PARS2: variants seen among roughly 807,000 people sequenced by gnomAD.
PARS2 encodes probable proline--tRNA ligase, mitochondrial.
Under a neutral mutation model 27.4 loss-of-function variants are expected in PARS2, and 20 were observed. The observed-to-expected ratio is 0.73, with a 90% CI of 0.51 to 1.06. The LOEUF is 1.06. Ranked by LOEUF, PARS2 falls within the 50% of genes least tolerant of loss-of-function variation. The pLI is 0.00. For synonymous variants in PARS2, 240 were observed against 247.1 expected (o/e 0.97, Z 0.27); for missense variants, 585 against 602.1 (o/e 0.97, Z 0.30).
At chr1:54,762,285 T>C (rs1210984116) in intron 1 of PARS2, among the ~76,000 whole-genome samples, 1 of 152,170 alleles carries the variant, frequency 6.6e-6, no homozygotes, top group Non-Finnish European at 1.5e-5. Context: ...ATTACAGGCA[T>C]GTGCCACCAT....
rs1472379999 is a variant in PARS2 at position 54,759,027 on chromosome 1, C to T, written c.135G>A (p.Val45=). 6.2e-7 allele frequency: 1 copy of T among 1,614,020 alleles called. No individual in the cohort carries two copies. The highest frequency in any genetic ancestry group is 1.7e-5 in the Admixed American group (1 of 59,996). Residue 45 remains valine (V), a synonymous_variant, in exon 2 of 2, where the codon GTG becomes GTA. Transcript: ENST00000371279. The part of the protein sequence containing the change: ...RRGRRLLLSR[V]FQPQNLREDR... ...CTTCCCGAAGGTTCTGTGGCTGGAACACACGAGACAGCAGCAGGCGCCGCC... is the reference window on the plus strand; with the variant it reads ...CTTCCCGAAGGTTCTGTGGCTGGAATACACGAGACAGCAGCAGGCGCCGCC...
rs559553257 is a variant in PARS2 at position 54,758,868 on chromosome 1, C to T, written c.294G>A (p.Met98Ile). 3.8e-5 allele frequency: 62 copies of T among 1,614,216 alleles called. 1 individual carries two copies. In the South Asian group the frequency reaches 6.1e-4, roughly 16 times the overall value. ...GGTCTATCACTCGCACGAGCTTCTC[C>T]ATGGCACGGACGGTATATGGCAGGA... Reference protein sequence around the residue: ...YHLLPYTVRAMEKLVRVIDQE... With the variant: ...YHLLPYTVRAIEKLVRVIDQE... Residue 98 changes from methionine (M) to isoleucine (I), a missense_variant, in exon 2 of 2, where the codon ATG becomes ATA. Met to Ile is a conservative substitution (Grantham distance 10). Transcript: ENST00000371279.
In PARS2 at chr1:54,758,881, G is replaced by C; in HGVS notation, c.281C>G (p.Thr94Ser). The change falls in exon 2 of 2, where the codon ACC becomes AGC. Residue 94 changes from threonine (T) to serine (S), a missense_variant. Thr to Ser is a moderately conservative substitution (Grantham distance 58, BLOSUM62 1). Coordinates refer to ENST00000371279, the MANE Select transcript of PARS2 (RefSeq NM_152268.4). Reference protein sequence around the residue: ...SPGCYHLLPYTVRAMEKLVRV... With the variant: ...SPGCYHLLPYSVRAMEKLVRV... ...CACGAGCTTCTCCATGGCACGGACG[G>C]TATATGGCAGGAGGTGGTAACAGCC... 1 of 1,614,216 alleles carries C rather than the reference G, an allele frequency of 6.2e-7. No homozygotes were observed. Among genetic ancestry groups the C allele is most frequent in the Non-Finnish European group, 8.5e-7 (1 of 1,180,034 alleles).
Position 54,758,170 on chromosome 1 carries a change from T to C in PARS2, c.992A>G (p.Lys331Arg). Residue 331 changes from lysine (K) to arginine (R), a missense_variant, in exon 2 of 2, where the codon AAA (lysine) becomes AGA (arginine). Lys to Arg is a conservative substitution (Grantham distance 26). Coordinates refer to ENST00000371279, the MANE Select transcript of PARS2 (RefSeq NM_152268.4). ...FNAQFTNVCGKPTLAEMGCYG... is the reference protein window; with the variant it reads ...FNAQFTNVCGRPTLAEMGCYG... ...GCACCCCATTTCAGCCAGGGTTGGT[T>C]TGCCACAGACATTGGTAAACTGGGC... The C allele has an allele frequency of 3.7e-6, 6 of 1,614,238 alleles. No individual in the cohort carries two copies. Among genetic ancestry groups the C allele is most frequent in the Non-Finnish European group, 5.1e-6 (6 of 1,180,036 alleles).
rs1307828150 is a variant in PARS2 at position 54,757,989 on chromosome 1, C to T, written c.1173G>A (p.Gly391=). The change falls in exon 2 of 2, where the codon GGG becomes GGA. Residue 391 remains glycine (G), a synonymous_variant. Coordinates refer to ENST00000371279, the MANE Select transcript of PARS2 (RefSeq NM_152268.4). The stretch of plus-strand genomic sequence containing the variant: ...CCTCTGTGATGTGGTCGTACAGCTG[C>T]CCTATGAGCTCGGAGGCCGCCTGCT... The part of the protein sequence containing the change: ...SKEQAASELI[G]QLYDHITEAV... The T allele has an allele frequency of 8.1e-6, 13 of 1,614,060 alleles. No homozygotes were observed. The highest frequency in any genetic ancestry group is 5.3e-5 in the African/African-American group (4 of 74,932).
At chr1:54,761,864 C>T (rs1277399049) in intron 1 of PARS2, among the ~76,000 whole-genome samples, 1 of 152,192 alleles carries the variant, frequency 6.6e-6, no homozygotes, top group Non-Finnish European at 1.5e-5. Flanking sequence ...TAGGAACGTA[C>T]GGGCCATGGA....
Position 54,758,006 on chromosome 1 carries a change from C to T in PARS2, c.1156G>A (p.Ala386Thr). Residue 386 changes from alanine to threonine, a missense_variant, in exon 2 of 2, where the codon GCC becomes ACC. Ala to Thr is a moderately conservative substitution (Grantham distance 58, BLOSUM62 0). Transcript: ENST00000371279. ...PPKKGSKEQA[A>T]SELIGQLYDH... ...TACAGCTGCCCTATGAGCTCGGAGG[C>T]CGCCTGCTCCTTACTGCCCTTCTTA... 1 of 1,614,146 alleles carries T rather than the reference C, an allele frequency of 6.2e-7. No homozygotes were observed. Among genetic ancestry groups the T allele is most frequent in the Non-Finnish European group, 8.5e-7 (1 of 1,180,036 alleles).
chr1:54,757,652 G>T lies in PARS2; in HGVS notation c.*82C>A. Reference sequence around the variant, plus strand: ...AGCTGTGCTGTTTCTGGAGAGAGCAGTCCAGGAAAGGGGTGTAGGAAAATG... The same window carrying T: ...AGCTGTGCTGTTTCTGGAGAGAGCATTCCAGGAAAGGGGTGTAGGAAAATG... On this transcript the variant is annotated 3_prime_UTR_variant, in exon 2 of 2. Coordinates refer to ENST00000371279, the MANE Select transcript of PARS2 (RefSeq NM_152268.4). 1 of 882,584 alleles carries T rather than the reference G, an allele frequency of 1.1e-6. No individual in the cohort carries two copies. The highest frequency in any genetic ancestry group is 1.8e-6 in the Non-Finnish European group (1 of 569,026). The allele number at this position is 882,584 out of a possible 1,614,324, so 54.7% of individuals were successfully genotyped here.
chr1:54,757,906 C>T lies in PARS2; in HGVS notation c.1256G>A (p.Gly419Glu), dbSNP rs781329433. ...LLDDRTHLTI[G>E]NRLKDANKFG... ...CTTGTTGGCATCTTTCAGTCTGTTTCCGATGGTCAGATGGGTCCTGTCGTC... is the reference window on the plus strand; with the variant it reads ...CTTGTTGGCATCTTTCAGTCTGTTTTCGATGGTCAGATGGGTCCTGTCGTC... Residue 419 changes from glycine to glutamate, a missense_variant, in exon 2 of 2, where the codon GGA becomes GAA. Coordinates refer to ENST00000371279, the MANE Select transcript of PARS2 (RefSeq NM_152268.4). 4 of 1,614,194 alleles carry T rather than the reference C, an allele frequency of 2.5e-6. No homozygotes were observed. The highest frequency in any genetic ancestry group is 3.3e-5 in the Admixed American group (2 of 60,026).
Position 54,758,318 on chromosome 1 carries a change from T to C in PARS2, c.844A>G (p.Met282Val), listed in dbSNP as rs771262292. The change falls in exon 2 of 2, where the codon ATG (methionine) becomes GTG (valine). Residue 282 changes from methionine (M) to valine (V), a missense_variant. Transcript: ENST00000371279. ...ICPRCSFSAN[M>V]ETLDLSQMNC... Reference sequence around the variant, plus strand: ...ATTTGTGACAAGTCTAGTGTCTCCATGTTGGCTGAGAAGCTGCAGCGGGGA... The same window carrying C: ...ATTTGTGACAAGTCTAGTGTCTCCACGTTGGCTGAGAAGCTGCAGCGGGGA... 2 of 1,614,200 alleles carry C rather than the reference T, an allele frequency of 1.2e-6. No individual in the cohort carries two copies. The highest frequency in any genetic ancestry group is 1.7e-5 in the Admixed American group (1 of 60,032).
chr1:54,763,397 G>A (rs780880761), intron 1 of PARS2, among the ~76,000 whole-genome samples: 81 of 152,046 alleles, frequency 5.3e-4, no homozygotes, highest in Non-Finnish European at 7.4e-4. Context: ...TCTATTCCTT[G>A]ATGAAATTAC....
intron 1 of PARS2, among the ~76,000 whole-genome samples, chr1:54,762,811 G>A (rs977746891): frequency 6.6e-6 from 1 of 152,146 alleles, no homozygotes; most frequent in Non-Finnish European, 1.5e-5. Flanking sequence ...CGATCCACCT[G>A]CCTCAGCTTC....
At chr1:54,759,641 G>A (rs1646142741) in intron 1 of PARS2, among the ~76,000 whole-genome samples, 2 of 152,166 alleles carry the variant, frequency 1.3e-5, no homozygotes, top group Admixed American at 1.3e-4. Context: ...ACAGTATCTG[G>A]CATGTACTAT....
At chr1:54,761,969 TTCC>T (rs1646159830) in intron 1 of PARS2, among the ~76,000 whole-genome samples, 1 of 152,216 alleles carries the variant, frequency 6.6e-6, no homozygotes, top group African/African-American at 2.4e-5. Flanking sequence ...TCATCCTTGA[TTCC>T]TCCTAAAGCA....
intron 1 of PARS2, among the ~76,000 whole-genome samples, chr1:54,760,599 G>C: frequency 6.6e-6 from 1 of 152,162 alleles, no homozygotes; most frequent in East Asian, 1.9e-4. Context: ...CTATACTGCA[G>C]CCACAGGGGA....
rs72911784 is a variant in PARS2, at chr1:54,762,846, G to T, written c.-30+1615C>A. 4.8e-3 allele frequency among the ~76,000 whole-genome samples: 726 copies of T among 152,232 alleles called. 4 individuals carry two copies. The highest frequency in any genetic ancestry group is 0.016 in the African/African-American group (684 of 41,538). ...CCCAAATTGCTGGGATTATAGGTGT[G>T]AGCCACTGTGCCCAGGCTCAATACA... is the stretch of plus-strand genomic sequence containing the variant. On this transcript the variant is annotated intron_variant, in intron 1 of 1. Transcript: ENST00000371279.
intron 1 of PARS2, among the ~76,000 whole-genome samples, chr1:54,764,168 C>A (rs1464651988): frequency 6.6e-6 from 1 of 152,210 alleles, no homozygotes; most frequent in East Asian, 1.9e-4. Context: ...AAGGCTGGCT[C>A]AGGCAGCAGG....
In PARS2 at chr1:54,758,148, C is replaced by T; in HGVS notation, c.1014G>A (p.Gly338=). The T allele has an allele frequency of 6.2e-7, 1 of 1,614,222 alleles. No homozygotes were observed. Among genetic ancestry groups the T allele is most frequent in the Non-Finnish European group, 8.5e-7 (1 of 1,180,034 alleles). The change falls in exon 2 of 2, where the codon GGG becomes GGA. Residue 338 remains glycine, a synonymous_variant. Transcript: ENST00000371279. ...TCCGTGTCACACCCAAGCCATAGCACCCCATTTCAGCCAGGGTTGGTTTGC... is the reference window on the plus strand; with the variant it reads ...TCCGTGTCACACCCAAGCCATAGCATCCCATTTCAGCCAGGGTTGGTTTGC... ...VCGKPTLAEM[G]CYGLGVTRIL... is the part of the protein sequence containing the mutation.
At chr1:54,759,634 G>A (rs1306931975) in intron 1 of PARS2, among the ~76,000 whole-genome samples, 1 of 152,226 alleles carries the variant, frequency 6.6e-6, no homozygotes, top group Non-Finnish European at 1.5e-5. Context: ...TCTTGGAACA[G>A]TATCTGGCAT....
Sources: gnomAD v4.1 joint callset for allele counts (sites outside exome capture counted in the v4.1 genomes callset) on GRCh38, gnomAD v4.1.1 for gene constraint, MANE v1.5 for transcripts, NCBI Gene and HGNC (gene_info 2026-07-23, HGNC 2026-07-21) for gene names.